PPP1R16B: variants seen among roughly 807,000 people sequenced by gnomAD.
PPP1R16B encodes protein phosphatase 1 regulatory subunit 16B.
In PPP1R16B, 14 loss-of-function variants were observed where a neutral mutation model predicts 61.7. The observed-to-expected ratio is 0.23, with a 90% CI of 0.15 to 0.35. PPP1R16B has a LOEUF of 0.35. Ranked by LOEUF, PPP1R16B falls within the 10% of genes least tolerant of loss-of-function variation. PPP1R16B has a pLI of 1.00. For synonymous variants in PPP1R16B, 266 were observed against 305.3 expected, an observed-to-expected ratio of 0.87 and a Z score of 1.34; for missense variants, 547 against 752.5, an observed-to-expected ratio of 0.73 and a Z score of 3.19.
At chr20:38,867,337 G>A (rs1312883067) in intron 2 of PPP1R16B, among the ~76,000 whole-genome samples, 1 of 152,144 alleles carries the variant, frequency 6.6e-6, no homozygotes, top group Non-Finnish European at 1.5e-5. Context: ...GATCCACCAG[G>A]GACAGATGAG....
At chr20:38,807,153 C>T (rs1370252770) in intron 1 of PPP1R16B, among the ~76,000 whole-genome samples, 1 of 152,186 alleles carries the variant, frequency 6.6e-6, no homozygotes, top group Non-Finnish European at 1.5e-5. Context: ...AGGGGTACTT[C>T]CCTGTGTACC....
intron 2 of PPP1R16B, among the ~76,000 whole-genome samples, chr20:38,865,162 G>GA (rs2085081617): frequency 1.3e-5 from 2 of 152,138 alleles, no homozygotes; most frequent in Non-Finnish European, 2.9e-5. Flanking sequence ...GAGGGAACTG[G>GA]AAGGAGAAAT....
intron 10 of PPP1R16B, among the ~76,000 whole-genome samples, chr20:38,917,940 G>C (rs998320456): frequency 1.3e-5 from 2 of 152,188 alleles, no homozygotes; most frequent in African/African-American, 4.8e-5. Flanking sequence ...CTAGGCCTTG[G>C]GTCATGATCC....
chr20:38,896,189 T>C (rs2085347387), intron 4 of PPP1R16B, among the ~76,000 whole-genome samples: 1 of 122,498 alleles, frequency 8.2e-6, no homozygotes, highest in African/African-American at 3.4e-5. Context: ...TTCCCTCCCT[T>C]CCTTCTTTCT....
intron 2 of PPP1R16B, among the ~76,000 whole-genome samples, chr20:38,862,758 G>T (rs1187014184): frequency 6.6e-6 from 1 of 152,224 alleles, no homozygotes; most frequent in East Asian, 1.9e-4. Context: ...CTAGGGTGGG[G>T]AGTGCAAAAG....
At chr20:38,888,882 C>CACACACACACACAA (rs2085268053) in intron 2 of PPP1R16B, among the ~76,000 whole-genome samples, 1 of 107,410 alleles carries the variant, frequency 9.3e-6, no homozygotes, top group Non-Finnish European at 2.0e-5. Context: ...CCTGAACACA[C>CACACACACACACAA]ACACACACAC....
At chr20:38,843,279 G>C (rs909303129) in intron 2 of PPP1R16B, among the ~76,000 whole-genome samples, 2 of 152,258 alleles carry the variant, frequency 1.3e-5, no homozygotes, top group African/African-American at 4.8e-5. Flanking sequence ...AAATTTAGCA[G>C]CTTAAAACAA....
In PPP1R16B at chr20:38,824,369, C is replaced by T. The variant is rs78153133; in HGVS notation, c.-101-11456C>T. Among the ~76,000 whole-genome samples, 1,093 of 152,310 alleles carry T rather than the reference C, an allele frequency of 7.2e-3. 4 individuals are homozygous for T. Among genetic ancestry groups the T allele is most frequent in the Middle Eastern group, 0.02 (6 of 294 alleles). On this transcript the variant is annotated intron_variant, in intron 1 of 10. Transcript: ENST00000299824. ...CTCTGGTTTTTTGGCCAAAATGTCC[C>T]CATCTCCCTGGTCACGAATACTGTG...
At chr20:38,815,975 T>C (rs2084732705) in intron 1 of PPP1R16B, among the ~76,000 whole-genome samples, 1 of 152,194 alleles carries the variant, frequency 6.6e-6, no homozygotes, top group Admixed American at 6.5e-5. Context: ...TTTGATAAAC[T>C]CTATATTCAT....
At chr20:38,888,756 T>G (rs935931480) in intron 2 of PPP1R16B, among the ~76,000 whole-genome samples, 1 of 151,690 alleles carries the variant, frequency 6.6e-6, no homozygotes, top group African/African-American at 2.4e-5. Context: ...TGAATGGTGG[T>G]GGGCAGAGGA....
chr20:38,898,991 A>C (rs764349845), intron 4 of PPP1R16B, among the ~76,000 whole-genome samples: 4 of 152,218 alleles, frequency 2.6e-5, no homozygotes, highest in Non-Finnish European at 5.9e-5. Context: ...AGGGGTTTTA[A>C]GTACCAGAGC....
In PPP1R16B at chr20:38,865,210, A is replaced by G. The variant is rs146647773; in HGVS notation, c.251-24385A>G. On this transcript the variant is annotated intron_variant, in intron 2 of 10. Coordinates refer to ENST00000299824, the MANE Select transcript of PPP1R16B (RefSeq NM_015568.4). The stretch of plus-strand genomic sequence containing the variant: ...CTTCATACTCTGCCTCCTTGGGCCC[A>G]TTGGTCAGTGTCCTGGCACACAGAC... Among the ~76,000 whole-genome samples the G allele has an allele frequency of 2.7e-3, 405 of 151,946 alleles. 1 individual carries two copies. Among genetic ancestry groups the G allele is most frequent in the African/African-American group, 9.6e-3 (398 of 41,412 alleles).
chr20:38,861,769 C>T (rs1208051815), intron 2 of PPP1R16B, among the ~76,000 whole-genome samples: 23 of 151,670 alleles, frequency 1.5e-4, no homozygotes, highest in Admixed American at 8.5e-4. Context: ...CTCTGCCTCC[C>T]GGGTTCAAGC....
At chr20:38,867,678 T>A (rs943807535) in intron 2 of PPP1R16B, among the ~76,000 whole-genome samples, 9 of 152,082 alleles carry the variant, frequency 5.9e-5, no homozygotes, top group Non-Finnish European at 1.2e-4. Flanking sequence ...CTTTGATTCT[T>A]TTTTTTCCCC....
chr20:38,881,578 T>C (rs2085203840), intron 2 of PPP1R16B, among the ~76,000 whole-genome samples: 1 of 152,174 alleles, frequency 6.6e-6, no homozygotes, highest in Non-Finnish European at 1.5e-5. Flanking sequence ...GGCTGGGGTC[T>C]ACCTACAATG....
intron 10 of PPP1R16B, among the ~76,000 whole-genome samples, chr20:38,915,507 A>G (rs986316329): frequency 6.6e-6 from 1 of 151,874 alleles, no homozygotes; most frequent in African/African-American, 2.4e-5. Flanking sequence ...TTTTTTTGAG[A>G]CGGAGTCTCA....
In PPP1R16B at chr20:38,905,945, G is replaced by A. The variant is rs375514218; in HGVS notation, c.697-24G>A. 39 of 1,607,806 alleles carry A rather than the reference G, an allele frequency of 2.4e-5. No individual in the cohort carries two copies. The Middle Eastern group carries it at 5.0e-4, about 20-fold the overall frequency. ...ATGTGGGGCTGATCCCCTGAGGAAT[G>A]CTCACTTCTTTCCTCTCCTCCAGCT... is the stretch of plus-strand genomic sequence containing the variant. On this transcript the variant is annotated intron_variant, in intron 6 of 10. Coordinates refer to ENST00000299824, the MANE Select transcript of PPP1R16B (RefSeq NM_015568.4).
chr20:38,907,968 G>T lies in PPP1R16B; in HGVS notation c.1028+33G>T. 6.2e-7 allele frequency: 1 copy of T among 1,613,988 alleles called. No homozygotes were observed. The highest frequency in any genetic ancestry group is 8.5e-7 in the Non-Finnish European group (1 of 1,179,950). On this transcript the variant is annotated intron_variant, in intron 9 of 10. Transcript: ENST00000299824. The surrounding 1 kb of genome is among the most constrained non-coding windows in gnomAD (Gnocchi z 4.5). Reference sequence around the variant, plus strand: ...CGGGGCAGGGCAGCCAGGAGTCCCTGTGTGTGCTCCTGCCTGTGGTGCCTG... The same window carrying T: ...CGGGGCAGGGCAGCCAGGAGTCCCTTTGTGTGCTCCTGCCTGTGGTGCCTG...
intron 1 of PPP1R16B, among the ~76,000 whole-genome samples, chr20:38,824,660 T>A (rs1395058939): frequency 6.6e-6 from 1 of 152,272 alleles, no homozygotes; most frequent in Non-Finnish European, 1.5e-5. Context: ...TTCAATTCTA[T>A]GCTTTTAATC....
Sources: gnomAD v4.1 joint callset for allele counts (sites outside exome capture counted in the v4.1 genomes callset) on GRCh38, gnomAD v4.1.1 for gene constraint, Gnocchi (gnomAD v3.1) non-coding constraint, MANE v1.5 for transcripts, NCBI Gene and HGNC (gene_info 2026-07-23, HGNC 2026-07-21) for gene names.